The following GRIN2C variants were observed in gnomAD, a reference collection of about 807,000 sequenced individuals.
The protein encoded by GRIN2C is glutamate receptor ionotropic, NMDA 2C.
GRIN2C carries 64 observed loss-of-function variants against 77.7 expected under a neutral mutation model. The ratio of observed to expected loss-of-function variants is 0.82; its 90% CI spans 0.67 to 1.01. The LOEUF (loss-of-function observed/expected upper bound fraction) is 1.01, where lower values mean the gene tolerates loss of function less well. GRIN2C is among the 50% of genes least tolerant of loss of function. The pLI, the probability that GRIN2C is intolerant of heterozygous loss-of-function variation, is 0.00. For synonymous variants in GRIN2C, 792 were observed against 643.4 expected (o/e 1.23, Z -3.49); for missense variants, 1,549 against 1,486.0 (o/e 1.04, Z -0.70).
Position 74,857,238 on chromosome 17 carries a change from C to G in GRIN2C, c.-15-2131G>C, listed in dbSNP as rs1230993074. Among the ~76,000 whole-genome samples the G allele has an allele frequency of 8.5e-5, 13 of 152,174 alleles. No individual in the cohort carries two copies. In the East Asian group the frequency reaches 2.3e-3, roughly 27 times the overall value. The stretch of plus-strand genomic sequence containing the variant: ...TAGCTAAGCATCTAGAGCTCATTCA[C>G]AGGAAGGTATGAGGGACTGATCATA... On this transcript the variant is annotated intron_variant, in intron 1 of 12. Coordinates refer to ENST00000293190, the MANE Select transcript of GRIN2C (RefSeq NM_000835.6).
rs1229314601 is a variant in GRIN2C, at chr17:74,842,570, G to C, written c.3567C>G (p.Gly1189=). The C allele has an allele frequency of 1.3e-6, 1 of 771,678 alleles. No homozygotes were observed. The highest frequency in any genetic ancestry group is 2.4e-6 in the Non-Finnish European group (1 of 415,930). The allele number at this position is 771,678 out of a possible 1,614,324, so 47.8% of individuals were successfully genotyped here. Residue 1189 remains glycine, a synonymous_variant, in exon 13 of 13, where the codon GGC becomes GGG. Coordinates refer to ENST00000293190, the MANE Select transcript of GRIN2C (RefSeq NM_000835.6). The part of the protein sequence containing the change: ...SGAWGPLGHR[G]RTLGLGTGYR... The stretch of plus-strand genomic sequence containing the variant: ...AGCCTGTGCCCAGCCCCAGAGTCCT[G>C]CCCCTGTGCCCCAGAGGCCCCCAGG...
rs796140187 is a variant in GRIN2C, at chr17:74,857,727, C to T, written c.-16+2017G>A. 1.2e-4 allele frequency among the ~76,000 whole-genome samples: 18 copies of T among 152,310 alleles called. 2 individuals are homozygous for T. The highest frequency in any genetic ancestry group is 4.3e-4 in the African/African-American group (18 of 41,562). ...AGTAATGAGCTCTAGATCTGTGCTG[C>T]CCAGTATAGGAGCCGCCAGTCATAC... On this transcript the variant is annotated intron_variant, in intron 1 of 12. Coordinates refer to ENST00000293190, the MANE Select transcript of GRIN2C (RefSeq NM_000835.6).
In GRIN2C at chr17:74,849,830, C is replaced by T. The variant is rs779029103; in HGVS notation, c.1595G>A (p.Ser532Asn). Residue 532 changes from serine (S) to asparagine (N), a missense_variant, in exon 7 of 13, where the codon AGT becomes AAT. Physicochemically the swap from Ser to Asn is conservative, Grantham distance 46 (BLOSUM62 1). Coordinates refer to ENST00000293190, the MANE Select transcript of GRIN2C (RefSeq NM_000835.6). The surrounding 1 kb of genome is among the most constrained non-coding windows in gnomAD (Gnocchi z 4.6). ...GCCATTGCTGCGAGCCACCATCACA[C>T]TGATGCCCGTCTCCACAAAGGGTAC... ...FSVPFVETGI[S>N]VMVARSNGTV... The T allele has an allele frequency of 3.1e-6, 5 of 1,613,542 alleles. No individual in the cohort carries two copies. Among genetic ancestry groups the T allele is most frequent in the African/African-American group, 1.3e-5 (1 of 74,890 alleles).
rs768097005 is a variant in GRIN2C at position 74,844,534 on chromosome 17, G to A, written c.2351-26C>T. 3.1e-6 allele frequency: 5 copies of A among 1,604,860 alleles called. No individual in the cohort carries two copies. The East Asian group carries it at 1.1e-4, about 36-fold the overall frequency. ...CTGGAGTTGGGGGGTGTACACATCT[G>A]GCTCAGGAAACCCCCCTATAAGCAA... On this transcript the variant is annotated intron_variant, in intron 11 of 12. Coordinates refer to ENST00000293190, the MANE Select transcript of GRIN2C (RefSeq NM_000835.6).
In GRIN2C at chr17:74,843,434, G is replaced by T. The variant is rs775045954; in HGVS notation, c.2703C>A (p.Arg901=). Reference sequence around the variant, plus strand: ...TTACGCCCGCCGTGGTCACCATGTCGCGGGCTGCCTGCAGCATCTTGAGCA... The same window carrying T: ...TTACGCCCGCCGTGGTCACCATGTCTCGGGCTGCCTGCAGCATCTTGAGCA... The part of the protein sequence containing the change: ...ASVLKMLQAA[R]DMVTTAGVSS... The change falls in exon 13 of 13, where the codon CGC becomes CGA. Residue 901 remains arginine (R), a synonymous_variant. Transcript: ENST00000293190. 16 of 1,535,714 alleles carry T rather than the reference G, an allele frequency of 1.0e-5. No individual in the cohort carries two copies. In the African/African-American group the frequency reaches 1.8e-4, roughly 17 times the overall value.
At position 74,846,065 on chromosome 17, in the gene GRIN2C, C is replaced by G; in HGVS notation, c.2350+1G>C. 1 of 1,613,648 alleles carries G rather than the reference C, an allele frequency of 6.2e-7. No homozygotes were observed. The highest frequency in any genetic ancestry group is 1.7e-5 in the Admixed American group (1 of 60,030). Reference sequence around the variant, plus strand: ...GGCATCCCAGCAATGGCAGTACCCACCGTCCCCCAGGAACTGCAAGAGCGC... The same window carrying G: ...GGCATCCCAGCAATGGCAGTACCCAGCGTCCCCCAGGAACTGCAAGAGCGC... On this transcript the variant is annotated splice_donor_variant, in intron 11 of 12. Coordinates refer to ENST00000293190, the MANE Select transcript of GRIN2C (RefSeq NM_000835.6). LOFTEE classifies it high-confidence loss of function. The surrounding 1 kb of genome is among the most constrained non-coding windows in gnomAD (Gnocchi z 4.4).
chr17:74,852,547 T>G lies in GRIN2C; in HGVS notation c.464A>C (p.Lys155Thr). ...SLEQQLQVLFKVLEEYDWSAF... is the reference protein window; with the variant it reads ...SLEQQLQVLFTVLEEYDWSAF... ...GCTCCAGTCGTACTCTTCCAGCACC[T>G]TGAACAGCACCTGCAGCTGCTGCTC... Residue 155 changes from lysine to threonine, a missense_variant, in exon 3 of 13, where the codon AAG (lysine) becomes ACG (threonine). By Grantham distance (78) the Lys-to-Thr change is moderately conservative. This residue lies in a region of GRIN2C where 382 missense variants were observed against 360.0 expected (regional missense o/e 1.06). Coordinates refer to ENST00000293190, the MANE Select transcript of GRIN2C (RefSeq NM_000835.6). The G allele has an allele frequency of 6.5e-7, 1 of 1,540,544 alleles. No individual in the cohort carries two copies. The highest frequency in any genetic ancestry group is 8.7e-7 in the Non-Finnish European group (1 of 1,149,620).
At position 74,847,178 on chromosome 17, in the gene GRIN2C, C is replaced by T; in HGVS notation, c.2001+130G>A. 1 of 793,588 alleles carries T rather than the reference C, an allele frequency of 1.3e-6. No homozygotes were observed. Among genetic ancestry groups the T allele is most frequent in the African/African-American group, 1.7e-5 (1 of 58,714 alleles). The allele number at this position is 793,588 out of a possible 1,614,324, so 49.2% of individuals were successfully genotyped here. A position where few individuals can be genotyped will look rare whatever the true frequency, so the allele number is the denominator to read the frequency against. Reference sequence around the variant, plus strand: ...CAGCCCCCAACCCCTTCTCAGCAGGCCCTGAAGCTTCTTCCTGCCCCAGCC... The same window carrying T: ...CAGCCCCCAACCCCTTCTCAGCAGGTCCTGAAGCTTCTTCCTGCCCCAGCC... On this transcript the variant is annotated intron_variant, in intron 9 of 12. Coordinates refer to ENST00000293190, the MANE Select transcript of GRIN2C (RefSeq NM_000835.6). The surrounding 1 kb of genome is among the most constrained non-coding windows in gnomAD (Gnocchi z 5.2).
rs538004224 is a variant in GRIN2C, at chr17:74,846,998, G to A, written c.2002-78C>T. On this transcript the variant is annotated intron_variant, in intron 9 of 12. Coordinates refer to ENST00000293190, the MANE Select transcript of GRIN2C (RefSeq NM_000835.6). The surrounding 1 kb of genome is among the most constrained non-coding windows in gnomAD (Gnocchi z 4.4). Reference sequence around the variant, plus strand: ...ACCAAAGCCCCAAACCCACCCCAGAGCCCAGCCCCAGTGTGGACTTGCATA... The same window carrying A: ...ACCAAAGCCCCAAACCCACCCCAGAACCCAGCCCCAGTGTGGACTTGCATA... The A allele has an allele frequency of 1.8e-5, 27 of 1,474,416 alleles. No homozygotes were observed. The highest frequency in any genetic ancestry group is 9.1e-5 in the Admixed American group (5 of 54,832). 91.3% of individuals were successfully genotyped at this position (1,474,416 alleles called of 1,614,324 possible).
At position 74,842,414 on chromosome 17, in the gene GRIN2C, G is replaced by C. The variant is rs200508055; in HGVS notation, c.*21C>G. 11 of 761,428 alleles carry C rather than the reference G, an allele frequency of 1.4e-5. No homozygotes were observed. The East Asian group carries it at 2.2e-4, about 15-fold the overall frequency. The allele number at this position is 761,428 out of a possible 1,614,324, so 47.2% of individuals were successfully genotyped here. A position where few individuals can be genotyped will look rare whatever the true frequency, so the allele number is the denominator to read the frequency against. On this transcript the variant is annotated 3_prime_UTR_variant, in exon 13 of 13. Coordinates refer to ENST00000293190, the MANE Select transcript of GRIN2C (RefSeq NM_000835.6). ...GGCAGGCAGAGAATCCAGCTGGCTC[G>C]GAGCCTGAGTGGCTGATAACTCACA...
chr17:74,854,910 C>G lies in GRIN2C; in HGVS notation c.183G>C (p.Glu61Asp). Residue 61 changes from glutamate to aspartate, a missense_variant, in exon 2 of 13, where the codon GAG (glutamate) becomes GAC (aspartate). By Grantham distance (45) the Glu-to-Asp change is conservative (BLOSUM62 2). Around this residue, in one of 3 missense-constraint regions of GRIN2C, gnomAD observed 382 missense variants for 360.0 expected, o/e 1.06. Coordinates refer to ENST00000293190, the MANE Select transcript of GRIN2C (RefSeq NM_000835.6). ...TPQSFLDLPL[E>D]IQPLTVGVNT... ...TGACCCCAACTGTGAGCGGCTGGAT[C>G]TCCAGGGGTAGGTCCAGGAAGCTCT... 2 of 1,613,512 alleles carry G rather than the reference C, an allele frequency of 1.2e-6. No individual in the cohort carries two copies. The highest frequency in any genetic ancestry group is 1.7e-6 in the Non-Finnish European group (2 of 1,179,730).
Position 74,849,867 on chromosome 17 carries a change from C to T in GRIN2C, c.1558G>A (p.Val520Ile), listed in dbSNP as rs766009350. The T allele has an allele frequency of 3.7e-6, 6 of 1,613,474 alleles. No individual in the cohort carries two copies. In the African/African-American group the frequency reaches 5.3e-5, roughly 14 times the overall value. Reference sequence around the variant, plus strand: ...TCCACAAAGGGTACAGAGAAGTCTACGATCTCGGAGCGTTCCTCATTGATG... The same window carrying T: ...TCCACAAAGGGTACAGAGAAGTCTATGATCTCGGAGCGTTCCTCATTGATG... ...LTINEERSEI[V>I]DFSVPFVETG... The change falls in exon 7 of 13, where the codon GTA becomes ATA. Residue 520 changes from valine (V) to isoleucine (I), a missense_variant. By Grantham distance (29) the Val-to-Ile change is conservative (BLOSUM62 3). Around this residue, in one of 3 missense-constraint regions of GRIN2C, gnomAD observed 717 missense variants for 858.1 expected, o/e 0.84. Coordinates refer to ENST00000293190, the MANE Select transcript of GRIN2C (RefSeq NM_000835.6). This position sits in a 1 kb window ranked among gnomAD's most constrained non-coding sequence, Gnocchi z 4.6.
At chr17:74,857,818 G>A (rs754443796) in intron 1 of GRIN2C, among the ~76,000 whole-genome samples, 1 of 152,170 alleles carries the variant, frequency 6.6e-6, no homozygotes, top group Non-Finnish European at 1.5e-5. Flanking sequence ...AAAATTTCAT[G>A]CCACACTGCA....
chr17:74,847,375 GC>G lies in GRIN2C; in HGVS notation c.1933del (p.Ala645ProfsTer7). On this transcript the variant is annotated frameshift_variant, in exon 9 of 13. Coordinates refer to ENST00000293190, the MANE Select transcript of GRIN2C (RefSeq NM_000835.6). LOFTEE classifies it high-confidence loss of function. This position sits in a 1 kb window ranked among gnomAD's most constrained non-coding sequence, Gnocchi z 5.2. Reference protein sequence around the residue: ...FAVIFLASYTANLAAFMIQEQ... With the variant: ...FAVIFLASYTXNLAAFMIQEQ... ...TTGGATCATGAAGGCGGCCAGGTTG[GC>G]CGTGTAGCTGGCGAGGAAGATGACA... 6.2e-7 allele frequency: 1 copy of G among 1,614,020 alleles called. No individual in the cohort carries two copies. The highest frequency in any genetic ancestry group is 1.1e-5 in the South Asian group (1 of 91,062).
chr17:74,852,058 C>A lies in GRIN2C; in HGVS notation c.953G>T (p.Arg318Leu), dbSNP rs753959118. 6.8e-7 allele frequency: 1 copy of A among 1,459,986 alleles called. No homozygotes were observed. Among genetic ancestry groups the A allele is most frequent in the Non-Finnish European group, 9.0e-7 (1 of 1,105,206 alleles). 90.4% of individuals were successfully genotyped at this position (1,459,986 alleles called of 1,614,324 possible). The change falls in exon 3 of 13, where the codon CGT (arginine) becomes CTT (leucine). Residue 318 changes from arginine (R) to leucine (L), a missense_variant. Around this residue, in one of 3 missense-constraint regions of GRIN2C, gnomAD observed 717 missense variants for 858.1 expected, o/e 0.84. Transcript: ENST00000293190. ...GTLPAPAGDC[R>L]VHPGPVSPAR... Reference sequence around the variant, plus strand: ...AGGGCTGACGGGCCCAGGGTGAACACGGCAGTCCCCGGCCGGGGCTGGCAG... The same window carrying A: ...AGGGCTGACGGGCCCAGGGTGAACAAGGCAGTCCCCGGCCGGGGCTGGCAG...
chr17:74,845,630 TG>T (rs983759585), intron 11 of GRIN2C, among the ~76,000 whole-genome samples: 4 of 152,116 alleles, frequency 2.6e-5, no homozygotes, highest in Non-Finnish European at 5.9e-5. Context: ...TCTCTGGGTT[TG>T]GGGGCAGGCT....
rs1325783632 is a variant in GRIN2C, at chr17:74,846,910, G to A, written c.2012C>T (p.Pro671Leu). ...SGLSDKKFQRPQDQYPPFRFG... is the reference protein window; with the variant it reads ...SGLSDKKFQRLQDQYPPFRFG... ...GCGGAAAGGTGGGTACTGATCTTGA[G>A]GCCGCTGAAACTGCAGGCGGAGGGC... Residue 671 changes from proline (P) to leucine (L), a missense_variant, in exon 10 of 13, where the codon CCT (proline) becomes CTT (leucine). Physicochemically the swap from Pro to Leu is moderately conservative, Grantham distance 98. Coordinates refer to ENST00000293190, the MANE Select transcript of GRIN2C (RefSeq NM_000835.6). The surrounding 1 kb of genome is among the most constrained non-coding windows in gnomAD (Gnocchi z 4.4). The A allele has an allele frequency of 1.2e-6, 2 of 1,608,106 alleles. No homozygotes were observed. The highest frequency in any genetic ancestry group is 3.3e-5 in the Admixed American group (2 of 59,776).
Position 74,849,897 on chromosome 17 carries a change from G to A in GRIN2C, c.1528C>T (p.Leu510Phe). ...TCGGAGCGTTCCTCATTGATGGTGA[G>A]GGAGCCGATGGCCATGTCTGCCCGC... ...YKRADMAIGS[L>F]TINEERSEIV... Residue 510 changes from leucine (L) to phenylalanine (F), a missense_variant, in exon 7 of 13, where the codon CTC (leucine) becomes TTC (phenylalanine). Around this residue, in one of 3 missense-constraint regions of GRIN2C, gnomAD observed 717 missense variants for 858.1 expected, o/e 0.84. Coordinates refer to ENST00000293190, the MANE Select transcript of GRIN2C (RefSeq NM_000835.6). The surrounding 1 kb of genome is among the most constrained non-coding windows in gnomAD (Gnocchi z 4.6). 1 of 1,613,662 alleles carries A rather than the reference G, an allele frequency of 6.2e-7. No individual in the cohort carries two copies. Among genetic ancestry groups the A allele is most frequent in the Non-Finnish European group, 8.5e-7 (1 of 1,179,860 alleles).
chr17:74,852,510 G>A lies in GRIN2C; in HGVS notation c.501C>T (p.Val167=). 1 of 1,569,248 alleles carries A rather than the reference G, an allele frequency of 6.4e-7. No individual in the cohort carries two copies. The highest frequency in any genetic ancestry group is 2.5e-5 in the East Asian group (1 of 40,334). Residue 167 remains valine, a synonymous_variant, in exon 3 of 13, where the codon GTC becomes GTT. Transcript: ENST00000293190. The part of the protein sequence containing the change: ...LEEYDWSAFA[V]ITSLHPGHAL... ...CGTGGCCCGGGTGCAGGCTGGTGAT[G>A]ACGGCGAAGGCGCTCCAGTCGTACT... is the stretch of plus-strand genomic sequence containing the variant.
Sources: allele counts gnomAD v4.1 joint callset (sites outside exome capture counted in the v4.1 genomes callset), GRCh38; gene constraint gnomAD v4.1.1; regional missense constraint gnomAD v4.1.1; non-coding constraint Gnocchi (gnomAD v3.1); transcripts MANE v1.5; gene names NCBI Gene and HGNC (gene_info 2026-07-23, HGNC 2026-07-21).